RFPL1: variants seen among roughly 807,000 people sequenced by gnomAD.
RFPL1 encodes the protein ret finger protein-like 1.
Under a neutral mutation model 9.6 loss-of-function variants are expected in RFPL1, and 6 were observed. That is an observed-to-expected ratio of 0.62 (90% CI 0.34 to 1.23). The LOEUF (loss-of-function observed/expected upper bound fraction) is 1.23, where lower values mean the gene tolerates loss of function less well. RFPL1 is among the 50% of genes most tolerant of loss of function. RFPL1 has a pLI of 0.03. For synonymous variants in RFPL1, 145 were observed against 149.4 expected, an observed-to-expected ratio of 0.97 and a Z score of 0.22; for missense variants, 352 against 398.4, an observed-to-expected ratio of 0.88 and a Z score of 0.99.
the RFPL1 span, among the ~76,000 whole-genome samples, chr22:29,392,172 C>A: frequency 6.6e-6 from 1 of 151,934 alleles, no homozygotes; most frequent in Admixed American, 6.6e-5. Context: ...CTCTGCCTCC[C>A]GGGCTCAAGC....
chr22:29,417,421 G>T, the RFPL1 span, among the ~76,000 whole-genome samples: 1 of 151,312 alleles, frequency 6.6e-6, no homozygotes, highest in South Asian at 2.1e-4. Flanking sequence ...TTGCTTGGGG[G>T]GTGATCCATG....
the RFPL1 span, among the ~76,000 whole-genome samples, chr22:29,414,642 G>A: frequency 6.6e-6 from 1 of 151,918 alleles, no homozygotes; most frequent in Non-Finnish European, 1.5e-5. Context: ...ATCCTGTCCT[G>A]AAGGTAGTTC....
At chr22:29,409,289 A>G in the RFPL1 span, among the ~76,000 whole-genome samples, 15 of 152,032 alleles carry the variant, frequency 9.9e-5, no homozygotes, top group Admixed American at 8.5e-4. Flanking sequence ...CCACAAATGT[A>G]CTTCCTGTTT....
the RFPL1 span, among the ~76,000 whole-genome samples, chr22:29,391,674 G>A: frequency 6.6e-6 from 1 of 152,184 alleles, no homozygotes; most frequent in African/African-American, 2.4e-5. Flanking sequence ...TGGCATTTGC[G>A]CTGTCTTGCC....
At chr22:29,430,577 A>G in the RFPL1 span, among the ~76,000 whole-genome samples, 1 of 152,304 alleles carries the variant, frequency 6.6e-6, no homozygotes, top group Non-Finnish European at 1.5e-5. Context: ...GTATGTGAAC[A>G]GTTTTAGGGT....
At chr22:29,391,377 G>A in the RFPL1 span, among the ~76,000 whole-genome samples, 1 of 152,118 alleles carries the variant, frequency 6.6e-6, no homozygotes, top group South Asian at 2.1e-4. Context: ...GTGTATGTAT[G>A]TGCCATGCAG....
At chr22:29,439,254 G>T (rs539977908) in intron 1 of RFPL1, 90 bp downstream of exon 1, 3 of 1,499,740 alleles carry the variant, frequency 2.0e-6, no homozygotes, top group South Asian at 1.3e-5. Context: ...ATGGGGATTA[G>T]CTGCTGTCTG....
the RFPL1 span, among the ~76,000 whole-genome samples, chr22:29,411,266 C>G: frequency 2.6e-5 from 4 of 152,224 alleles, no homozygotes; most frequent in African/African-American, 9.6e-5. Flanking sequence ...TTGATATTAT[C>G]TCCATTTTAG....
chr22:29,398,551 G>C, the RFPL1 span, among the ~76,000 whole-genome samples: 1 of 152,214 alleles, frequency 6.6e-6, no homozygotes, highest in Non-Finnish European at 1.5e-5. Context: ...CATGGATCTA[G>C]ATCGGGACCC....
At chr22:29,389,560 C>T in the RFPL1 span, among the ~76,000 whole-genome samples, 7 of 150,552 alleles carry the variant, frequency 4.6e-5, no homozygotes, top group Middle Eastern at 3.5e-3. Flanking sequence ...GTGGCAGGCG[C>T]CTGTAGTCCC....
intron 1 of RFPL1, chr22:29,439,402 G>C: frequency 5.1e-6 from 3 of 588,394 alleles, no homozygotes; most frequent in Non-Finnish European, 8.8e-6. Context: ...GGGAGGCCGA[G>C]GCGGGTGGAT....
chr22:29,402,294 G>A, the RFPL1 span, among the ~76,000 whole-genome samples: 1 of 152,198 alleles, frequency 6.6e-6, no homozygotes, highest in African/African-American at 2.4e-5. Flanking sequence ...ACACTGTCAG[G>A]CTTGCCAGAT....
At chr22:29,425,702 C>T in the RFPL1 span, among the ~76,000 whole-genome samples, 2 of 152,108 alleles carry the variant, frequency 1.3e-5, no homozygotes, top group African/African-American at 2.4e-5. Context: ...TGTGGTGGCT[C>T]ACGCCTGTAA....
chr22:29,389,395 G>GA, the RFPL1 span, among the ~76,000 whole-genome samples: 5 of 135,868 alleles, frequency 3.7e-5, no homozygotes, highest in African/African-American at 1.4e-4. Flanking sequence ...CTCAAAAAAA[G>GA]AAAAAAAATG....
chr22:29,419,640 T>A, the RFPL1 span, among the ~76,000 whole-genome samples: 1 of 151,574 alleles, frequency 6.6e-6, no homozygotes, highest in African/African-American at 2.4e-5. Flanking sequence ...TCGTTTCTAA[T>A]AAAATACAAA....
At chr22:29,399,175 A>G in the RFPL1 span, among the ~76,000 whole-genome samples, 1 of 151,614 alleles carries the variant, frequency 6.6e-6, no homozygotes, top group Non-Finnish European at 1.5e-5. Flanking sequence ...CATTACTTCT[A>G]TTTGCTTTCC....
At chr22:29,388,520 T>A in the RFPL1 span, 2 of 152,094 alleles carry the variant, frequency 1.3e-5, no homozygotes, top group Non-Finnish European at 2.9e-5. Flanking sequence ...GCGTCCGGGC[T>A]GCCGGCGGCT....
At chr22:29,428,588 T>C in the RFPL1 span, among the ~76,000 whole-genome samples, 14 of 152,364 alleles carry the variant, frequency 9.2e-5, no homozygotes, top group African/African-American at 3.4e-4. Context: ...ATGGACCACA[T>C]GTTAGGTCAC....
the RFPL1 span, among the ~76,000 whole-genome samples, chr22:29,392,468 C>T: frequency 7.2e-6 from 1 of 138,668 alleles, no homozygotes; most frequent in African/African-American, 2.7e-5. Context: ...TGGTTCACTG[C>T]AACTTCTGCC....
Sources: allele counts gnomAD v4.1 joint callset (sites outside exome capture counted in the v4.1 genomes callset), GRCh38; gene constraint gnomAD v4.1.1; transcripts MANE v1.5; gene names NCBI Gene and HGNC (gene_info 2026-07-23, HGNC 2026-07-21).